ARL15: variants seen among roughly 807,000 people sequenced by gnomAD.
The protein encoded by ARL15 is ARF like GTPase 15.
ARL15 carries 19 observed loss-of-function variants against 25.2 expected under a neutral mutation model. The observed-to-expected ratio is 0.75, with a 90% CI of 0.53 to 1.10. ARL15 has a LOEUF of 1.10. Among genes scored for constraint, ARL15 ranks in the 50% least tolerant of loss-of-function variants. The pLI, the probability that ARL15 is intolerant of heterozygous loss-of-function variation, is 0.00. For missense variants in ARL15, 220 were observed against 246.0 expected (o/e 0.89, Z 0.71); for synonymous variants, 94 against 86.8 (o/e 1.08, Z -0.46).
chr5:54,016,577 C>T (rs1001548191), intron 4 of ARL15, among the ~76,000 whole-genome samples: 7 of 152,104 alleles, frequency 4.6e-5, no homozygotes, highest in African/African-American at 1.4e-4. Flanking sequence ...TCTTTAACAC[C>T]GGCTCCCCAC....
chr5:54,101,538 C>G (rs1752438141), intron 4 of ARL15, among the ~76,000 whole-genome samples: 1 of 152,010 alleles, frequency 6.6e-6, no homozygotes, highest in Non-Finnish European at 1.5e-5. Context: ...ATTAAAGAAG[C>G]CTGTATTTCC....
At chr5:54,285,228 AAG>A (rs1432077076) in intron 1 of ARL15, 1 of 337,340 alleles carries the variant, frequency 3.0e-6, no homozygotes, top group African/African-American at 2.2e-5. Flanking sequence ...AACAGCAAAA[AAG>A]ATGTCAAAAA....
chr5:53,951,361 A>T, intron 4 of ARL15: 1 of 370,812 alleles, frequency 2.7e-6, no homozygotes, highest in Admixed American at 3.8e-5. Flanking sequence ...ATCTGAGCTA[A>T]GCTTTTGTAG....
intron 4 of ARL15, among the ~76,000 whole-genome samples, chr5:53,979,141 C>CT (rs1748039066): frequency 6.6e-6 from 1 of 152,188 alleles, no homozygotes; most frequent in East Asian, 1.9e-4. Context: ...TGAACCTGCT[C>CT]TGTCAACAGG....
intron 1 of ARL15, among the ~76,000 whole-genome samples, chr5:54,262,364 C>A (rs941900203): frequency 3.9e-5 from 6 of 152,214 alleles, no homozygotes; most frequent in African/African-American, 1.4e-4. Flanking sequence ...AAATATTTTA[C>A]CCCAGGTCAT....
chr5:54,284,262 C>A lies in ARL15; in HGVS notation c.48+26170G>T, dbSNP rs182341128. ...GGGATTACAGGAGCATGCCACCATGCCCAGCAAATATTTTAATTTCTTTGT... is the reference window on the plus strand; with the variant it reads ...GGGATTACAGGAGCATGCCACCATGACCAGCAAATATTTTAATTTCTTTGT... On this transcript the variant is annotated intron_variant, in intron 1 of 4. Transcript: ENST00000504924. 4.6e-5 allele frequency among the ~76,000 whole-genome samples: 7 copies of A among 152,262 alleles called. No homozygotes were observed. In the East Asian group the frequency reaches 1.4e-3, roughly 29 times the overall value.
intron 1 of ARL15, among the ~76,000 whole-genome samples, chr5:54,232,642 C>A (rs1020668326): frequency 1.3e-5 from 2 of 152,126 alleles, no homozygotes; most frequent in Non-Finnish European, 2.9e-5. Flanking sequence ...TAATTAAAGA[C>A]GCATGCCCAC....
At chr5:54,038,292 C>T (rs1353824062) in intron 4 of ARL15, among the ~76,000 whole-genome samples, 1 of 152,164 alleles carries the variant, frequency 6.6e-6, no homozygotes, top group East Asian at 1.9e-4. Flanking sequence ...TAATCTGATT[C>T]TCTGCAGAGC....
At chr5:53,927,005 T>G (rs962995414) in intron 4 of ARL15, among the ~76,000 whole-genome samples, 6 of 152,162 alleles carry the variant, frequency 3.9e-5, no homozygotes, top group Non-Finnish European at 8.8e-5. Flanking sequence ...TCCTCCGTTT[T>G]AATTTTATTT....
chr5:53,966,604 G>GCTAT (rs1329145005), intron 4 of ARL15, among the ~76,000 whole-genome samples: 37 of 152,294 alleles, frequency 2.4e-4, no homozygotes, highest in Admixed American at 8.5e-4. Context: ...TCTCCAGGTA[G>GCTAT]ATAGTGGTGG....
chr5:54,248,467 G>A (rs1050603218), intron 1 of ARL15, among the ~76,000 whole-genome samples: 9 of 152,156 alleles, frequency 5.9e-5, no homozygotes, highest in Admixed American at 5.9e-4. Flanking sequence ...GCCTAGAAAG[G>A]ACTTCCCTCC....
intron 4 of ARL15, among the ~76,000 whole-genome samples, chr5:54,093,706 G>GA (rs1024505236): frequency 7.3e-6 from 1 of 136,514 alleles, no homozygotes; most frequent in East Asian, 2.1e-4. Flanking sequence ...AAAAAAAAAA[G>GA]AAAAAAGACT....
intron 4 of ARL15, among the ~76,000 whole-genome samples, chr5:54,017,101 G>A (rs1340128550): frequency 1.3e-5 from 2 of 152,182 alleles, no homozygotes; most frequent in East Asian, 3.9e-4. Context: ...GTTGCATCCA[G>A]CTCTCTGTTG....
intron 4 of ARL15, among the ~76,000 whole-genome samples, chr5:54,084,424 C>CAAATAAAA (rs1751894077): frequency 7.7e-6 from 1 of 129,930 alleles, no homozygotes. Context: ...ACTGACTCTT[C>CAAATAAAA]AAAAAAAAAA....
chr5:54,080,887 T>C (rs962574079), intron 4 of ARL15, among the ~76,000 whole-genome samples: 12 of 152,184 alleles, frequency 7.9e-5, no homozygotes, highest in Non-Finnish European at 1.5e-4. Flanking sequence ...AAGTCCACGA[T>C]CAAGACGCCA....
chr5:54,164,343 G>A (rs761507233), intron 2 of ARL15, among the ~76,000 whole-genome samples: 1 of 152,010 alleles, frequency 6.6e-6, no homozygotes, highest in Non-Finnish European at 1.5e-5. Context: ...GTCTTCTGTT[G>A]TTGGGTGGAG....
intron 4 of ARL15, among the ~76,000 whole-genome samples, chr5:54,058,001 TTTA>T (rs1436612755): frequency 1.1e-4 from 16 of 143,316 alleles, no homozygotes; most frequent in Non-Finnish European, 2.3e-4. Flanking sequence ...TATTTATTTA[TTTA>T]TTTATTTATT....
chr5:54,095,776 T>C (rs547939543), intron 4 of ARL15, among the ~76,000 whole-genome samples: 1 of 151,866 alleles, frequency 6.6e-6, no homozygotes, highest in East Asian at 1.9e-4. Flanking sequence ...AGGGCCCATC[T>C]GCAAAATGGC....
At chr5:54,095,221 A>G (rs1041911881) in intron 4 of ARL15, among the ~76,000 whole-genome samples, 1 of 152,168 alleles carries the variant, frequency 6.6e-6, no homozygotes, top group Non-Finnish European at 1.5e-5. Flanking sequence ...AGAGGTATTA[A>G]AAAAAGGAAC....
Sources: gnomAD v4.1 joint callset for allele counts (sites outside exome capture counted in the v4.1 genomes callset) on GRCh38, gnomAD v4.1.1 for gene constraint, MANE v1.5 for transcripts, NCBI Gene and HGNC (gene_info 2026-07-23, HGNC 2026-07-21) for gene names.